Variants in COQ3 observed in about 807,000 individuals in gnomAD.
The protein encoded by COQ3 is coenzyme Q3, methyltransferase.
COQ3 carries 29 observed loss-of-function variants against 33.1 expected under a neutral mutation model. The ratio of observed to expected loss-of-function variants is 0.88; its 90% CI spans 0.65 to 1.19. The LOEUF (loss-of-function observed/expected upper bound fraction) is 1.19. Ranked by LOEUF, COQ3 falls within the 50% of genes most tolerant of loss-of-function variation. COQ3 has a pLI of 0.00. For missense variants in COQ3, 437 were observed against 430.7 expected, an observed-to-expected ratio of 1.01 and a Z score of -0.13; for synonymous variants, 173 against 157.8, an observed-to-expected ratio of 1.10 and a Z score of -0.72.
At position 99,383,718 on chromosome 6, in the gene COQ3, C is replaced by T. The variant is rs1211995636; in HGVS notation, c.213G>A (p.Leu71=). The T allele has an allele frequency of 1.3e-6, 2 of 1,593,906 alleles. No homozygotes were observed. Among genetic ancestry groups the T allele is most frequent in the African/African-American group, 1.4e-5 (1 of 73,720 alleles). Residue 71 remains leucine (L), a synonymous_variant, in exon 2 of 7, where the codon TTG becomes TTA. Coordinates refer to ENST00000254759, the MANE Select transcript of COQ3 (RefSeq NM_017421.4). ...FKSYRTIFSC[L]NRIKSFRYPW... The stretch of plus-strand genomic sequence containing the variant: ...CCCACCTGAAACTCTTTATTCTGTT[C>T]AAACAGGAAAAGATCGTCCTGTAGG...
intron 3 of COQ3, 53 bp downstream of exon 3, chr6:99,380,136 A>G: frequency 3.9e-6 from 6 of 1,535,950 alleles, no homozygotes; most frequent in Non-Finnish European, 5.3e-6. Context: ...AATGTGAAAT[A>G]TGAATTCTTA....
At chr6:99,392,763 T>C (rs1344628434) in intron 1 of COQ3, among the ~76,000 whole-genome samples, 1 of 152,052 alleles carries the variant, frequency 6.6e-6, no homozygotes, top group Non-Finnish European at 1.5e-5. Context: ...GTAGCTGGGA[T>C]TACAGGCGCC....
intron 1 of COQ3, among the ~76,000 whole-genome samples, chr6:99,389,420 C>T (rs1475627651): frequency 6.6e-6 from 1 of 152,198 alleles, no homozygotes; most frequent in Non-Finnish European, 1.5e-5. Flanking sequence ...CCACCGCACC[C>T]AGCCTCTCTG....
chr6:99,383,887 G>T, intron 1 of COQ3, 63 bp from the exon 2 acceptor site: 1 of 1,212,974 alleles, frequency 8.2e-7, no homozygotes, highest in Non-Finnish European at 1.1e-6. Flanking sequence ...TGATATGCAT[G>T]TAATTGAAGA....
At chr6:99,383,952 G>T (rs1460189095) in intron 1 of COQ3, 128 bp from the exon 2 acceptor site, 1 of 650,440 alleles carries the variant, frequency 1.5e-6, no homozygotes, top group Non-Finnish European at 2.3e-6. Flanking sequence ...CCAGGTTGGA[G>T]TGTAATGGCA....
intron 4 of COQ3, 136 bp downstream of exon 4, chr6:99,377,250 T>A (rs1480514343): frequency 5.7e-6 from 4 of 700,232 alleles, no homozygotes; most frequent in Non-Finnish European, 1.0e-5. Flanking sequence ...CCTCAGGTGA[T>A]CCACCCACCC....
intron 5 of COQ3, among the ~76,000 whole-genome samples, chr6:99,374,423 G>A (rs1774230348): frequency 6.6e-6 from 1 of 152,042 alleles, no homozygotes. Flanking sequence ...TTAACCTAAG[G>A]GGAAGACAGG....
intron 2 of COQ3, among the ~76,000 whole-genome samples, chr6:99,381,751 C>A (rs1170049111): frequency 1.3e-5 from 2 of 151,938 alleles, no homozygotes; most frequent in Admixed American, 6.6e-5. Flanking sequence ...CATGGTGAAA[C>A]CCAGTCTCTA....
intron 5 of COQ3, among the ~76,000 whole-genome samples, chr6:99,373,242 T>C (rs1774190687): frequency 6.6e-6 from 1 of 151,996 alleles, no homozygotes; most frequent in African/African-American, 2.4e-5. Context: ...CTGGTCAACA[T>C]AGCGAGAACC....
intron 1 of COQ3, among the ~76,000 whole-genome samples, chr6:99,385,090 G>A (rs1225774385): frequency 3.3e-5 from 5 of 152,136 alleles, no homozygotes; most frequent in African/African-American, 7.2e-5. Flanking sequence ...CAGCCTGGGC[G>A]ACAGAGCAAG....
chr6:99,378,684 T>C (rs1168639525), intron 3 of COQ3, among the ~76,000 whole-genome samples: 3 of 152,184 alleles, frequency 2.0e-5, no homozygotes, highest in Non-Finnish European at 4.4e-5. Flanking sequence ...AATGTCACTG[T>C]CCAGGGCCTA....
chr6:99,371,696 C>T, intron 5 of COQ3, 109 bp from the exon 6 acceptor site: 1 of 714,228 alleles, frequency 1.4e-6, no homozygotes, highest in Non-Finnish European at 2.3e-6. Flanking sequence ...ATCTGAGTGC[C>T]ATTAAAATAT....
intron 2 of COQ3, among the ~76,000 whole-genome samples, chr6:99,380,580 TA>T: frequency 6.6e-6 from 1 of 152,100 alleles, no homozygotes; most frequent in Non-Finnish European, 1.5e-5. Context: ...CAGAACTTTA[TA>T]AAACTTAGCC....
chr6:99,387,992 C>T (rs1774702237), intron 1 of COQ3, among the ~76,000 whole-genome samples: 1 of 152,056 alleles, frequency 6.6e-6, no homozygotes, highest in Admixed American at 6.6e-5. Context: ...TGGAGAAACC[C>T]TGTCTCTACT....
At chr6:99,379,753 G>A (rs1017172201) in intron 3 of COQ3, among the ~76,000 whole-genome samples, 1 of 152,068 alleles carries the variant, frequency 6.6e-6, no homozygotes, top group African/African-American at 2.4e-5. Context: ...TACTCAGGAG[G>A]CTGAGGCAGG....
Position 99,369,629 on chromosome 6 carries a change from G to C in COQ3, c.1081C>G (p.Pro361Ala). 1 of 1,613,902 alleles carries C rather than the reference G, an allele frequency of 6.2e-7. No homozygotes were observed. The highest frequency in any genetic ancestry group is 8.5e-7 in the Non-Finnish European group (1 of 1,179,850). The change falls in exon 7 of 7, where the codon CCA (proline) becomes GCA (alanine). Residue 361 changes from proline (P) to alanine (A), a missense_variant. Physicochemically the swap from Pro to Ala is conservative, Grantham distance 27. Coordinates refer to ENST00000254759, the MANE Select transcript of COQ3 (RefSeq NM_017421.4). ...EELQANACTN[P>A]AVHEKLKK ...TTCTTCAGCTTTTCATGCACAGCTGGATTGGTGCAGGCATTAGCTTGGAGC... is the reference window on the plus strand; with the variant it reads ...TTCTTCAGCTTTTCATGCACAGCTGCATTGGTGCAGGCATTAGCTTGGAGC...
intron 5 of COQ3, among the ~76,000 whole-genome samples, chr6:99,373,804 C>A (rs62433962): frequency 0.36 from 55,132 of 151,858 alleles, 10,402 homozygotes; most frequent in South Asian, 0.57. Context: ...CCAGCCTGGG[C>A]AACATAGGGA....
In COQ3 at chr6:99,376,117, T is replaced by C; in HGVS notation, c.552A>G (p.Ala184=). The C allele has an allele frequency of 6.2e-7, 1 of 1,614,128 alleles. No individual in the cohort carries two copies. The highest frequency in any genetic ancestry group is 8.5e-7 in the Non-Finnish European group (1 of 1,179,972). The change falls in exon 5 of 7, where the codon GCA becomes GCG. Residue 184 remains alanine, a synonymous_variant. Transcript: ENST00000254759. ...CTGGATCAAATGATTTATGGCATTGTGCTGTTTTAATGTTCTCATCCACAG... is the reference window on the plus strand; with the variant it reads ...CTGGATCAAATGATTTATGGCATTGCGCTGTTTTAATGTTCTCATCCACAG... ...IDPVDENIKT[A]QCHKSFDPVL... is the part of the protein sequence containing the mutation.
intron 5 of COQ3, among the ~76,000 whole-genome samples, chr6:99,372,762 T>G (rs1774181339): frequency 1.3e-5 from 2 of 152,190 alleles, no homozygotes; most frequent in South Asian, 4.1e-4. Flanking sequence ...TTACCTATAT[T>G]GTCTCACAAA....
Sources: allele counts gnomAD v4.1 joint callset (sites outside exome capture counted in the v4.1 genomes callset), GRCh38; gene constraint gnomAD v4.1.1; transcripts MANE v1.5; gene names NCBI Gene and HGNC (gene_info 2026-07-23, HGNC 2026-07-21).